KIF6: variants seen among roughly 807,000 people sequenced by gnomAD.
The protein encoded by KIF6 is kinesin family member 6.
A neutral mutation model predicts 112.7 loss-of-function variants in KIF6; 106 were observed. The ratio of observed to expected loss-of-function variants is 0.94; its 90% confidence interval spans 0.80 to 1.11. The LOEUF (loss-of-function observed/expected upper bound fraction) is 1.11, where lower values mean the gene tolerates loss of function less well. Among genes scored for constraint, KIF6 ranks in the 50% least tolerant of loss-of-function variants. The pLI, the probability that KIF6 is intolerant of heterozygous loss-of-function variation, is 0.00. For missense variants in KIF6, 929 were observed against 964.0 expected, an observed-to-expected ratio of 0.96 and a Z score of 0.48; for synonymous variants, 339 against 339.9, an observed-to-expected ratio of 1.00 and a Z score of 0.03.
chr6:39,673,023 T>C (rs911561991), intron 3 of KIF6, among the ~76,000 whole-genome samples: 4 of 152,288 alleles, frequency 2.6e-5, no homozygotes, highest in Admixed American at 2.6e-4. Flanking sequence ...GTAGCCAGAA[T>C]CATAGCCAAA....
Position 39,540,193 on chromosome 6 carries a change from T to C in KIF6, c.1455A>G (p.Glu485=). The change falls in exon 13 of 23, where the codon GAA becomes GAG. Residue 485 remains glutamate, a synonymous_variant. Coordinates refer to ENST00000287152, the MANE Select transcript of KIF6 (RefSeq NM_145027.6). ...INILVNMLKK[E]KKKAQEALHL... ...GGAGAGCCTCCTGAGCTTTCTTCTT[T>C]TCTTTTTTTAACATGTTGACCAGGA... is the stretch of plus-strand genomic sequence containing the variant. The C allele has an allele frequency of 6.2e-7, 1 of 1,611,424 alleles. No homozygotes were observed. Among genetic ancestry groups the C allele is most frequent in the South Asian group, 1.1e-5 (1 of 90,370 alleles).
chr6:39,516,141 G>A (rs1777072564), intron 13 of KIF6, among the ~76,000 whole-genome samples: 1 of 151,948 alleles, frequency 6.6e-6, no homozygotes, highest in African/African-American at 2.4e-5. Flanking sequence ...AAGCATTTTG[G>A]GTAAGAGATA....
At chr6:39,494,413 C>A (rs944748187) in intron 13 of KIF6, among the ~76,000 whole-genome samples, 2 of 151,972 alleles carry the variant, frequency 1.3e-5, no homozygotes, top group Admixed American at 1.3e-4. Context: ...ACACTCAATG[C>A]CAAGAAGGAA....
At position 39,391,951 on chromosome 6, in the gene KIF6, A is replaced by G. The variant is rs138134235; in HGVS notation, c.1811-6279T>C. 2.6e-3 allele frequency among the ~76,000 whole-genome samples: 399 copies of G among 152,236 alleles called. 1 individual carries two copies. Among genetic ancestry groups the G allele is most frequent in the African/African-American group, 9.2e-3 (383 of 41,558 alleles). ...TGTATGTATATATGAATGCATGTATATATATATATGTGTGTGTGTGTGTAT... is the reference window on the plus strand; with the variant it reads ...TGTATGTATATATGAATGCATGTATGTATATATATGTGTGTGTGTGTGTAT... On this transcript the variant is annotated intron_variant, in intron 15 of 22. Transcript: ENST00000287152.
intron 3 of KIF6, among the ~76,000 whole-genome samples, chr6:39,642,936 G>T (rs759474369): frequency 6.6e-6 from 1 of 152,060 alleles, no homozygotes; most frequent in Non-Finnish European, 1.5e-5. Context: ...AACATGTAGG[G>T]ACCCTTGTAT....
chr6:39,705,731 C>T (rs1195003024), intron 3 of KIF6, among the ~76,000 whole-genome samples: 2 of 152,198 alleles, frequency 1.3e-5, no homozygotes, highest in Admixed American at 6.5e-5. Context: ...GGCTTCTTTG[C>T]CCCTTGGGTG....
chr6:39,563,577 T>C (rs1222951242), intron 10 of KIF6, among the ~76,000 whole-genome samples: 1 of 152,238 alleles, frequency 6.6e-6, no homozygotes, highest in Non-Finnish European at 1.5e-5. Context: ...AAATGTACCA[T>C]AACCCAATTC....
chr6:39,640,838 C>A (rs1423728473), intron 3 of KIF6, among the ~76,000 whole-genome samples: 1 of 152,124 alleles, frequency 6.6e-6, no homozygotes, highest in Admixed American at 6.6e-5. Context: ...ATTAAACTAA[C>A]AATAATATCT....
At chr6:39,601,818 T>G (rs1366839876) in intron 6 of KIF6, among the ~76,000 whole-genome samples, 1 of 152,102 alleles carries the variant, frequency 6.6e-6, no homozygotes, top group Non-Finnish European at 1.5e-5. Context: ...TTGGTCTTTT[T>G]GTCAATTTTG....
chr6:39,345,963 T>C (rs1394977353), intron 20 of KIF6, among the ~76,000 whole-genome samples, 174 bp from the exon 21 acceptor site: 1 of 151,302 alleles, frequency 6.6e-6, no homozygotes, highest in Admixed American at 6.6e-5. Flanking sequence ...GGGAGGTGAA[T>C]AGATTTAGAT....
intron 13 of KIF6, among the ~76,000 whole-genome samples, chr6:39,442,064 C>A (rs1487438961): frequency 6.6e-6 from 1 of 152,194 alleles, no homozygotes; most frequent in Non-Finnish European, 1.5e-5. Flanking sequence ...GTTCCTGACT[C>A]CTGATGCCAG....
In KIF6 at chr6:39,342,048, G is replaced by A. The variant is rs1440815936; in HGVS notation, c.2428+1661C>T. 6.6e-6 allele frequency among the ~76,000 whole-genome samples: 1 copy of A among 152,192 alleles called. No homozygotes were observed. Among genetic ancestry groups the A allele is most frequent in the Non-Finnish European group, 1.5e-5 (1 of 68,042 alleles). On this transcript the variant is annotated intron_variant, in intron 22 of 22. Transcript: ENST00000287152. This position sits in a 1 kb window ranked among gnomAD's most constrained non-coding sequence, Gnocchi z 4.7. ...ATCTCTTTCCCCTGTGCATAAGGCT[G>A]GTGTGACTTGGCCCTTGTGCTCTTG...
intron 13 of KIF6, among the ~76,000 whole-genome samples, chr6:39,532,463 T>C (rs938276157): frequency 3.9e-5 from 6 of 152,148 alleles, no homozygotes; most frequent in African/African-American, 1.4e-4. Context: ...GGCCCCCTTT[T>C]CCCAACCAGC....
intron 10 of KIF6, among the ~76,000 whole-genome samples, chr6:39,571,655 C>T (rs1453531505): frequency 6.6e-6 from 1 of 152,224 alleles, no homozygotes; most frequent in Non-Finnish European, 1.5e-5. Flanking sequence ...GACCACAATT[C>T]ATTTCCTAGA....
chr6:39,710,307 G>T (rs1789468987), intron 3 of KIF6, among the ~76,000 whole-genome samples: 1 of 152,070 alleles, frequency 6.6e-6, no homozygotes, highest in Non-Finnish European at 1.5e-5. Context: ...ACATGGGTAG[G>T]CCACAGTGAA....
chr6:39,372,248 G>A (rs1766062904), intron 16 of KIF6, among the ~76,000 whole-genome samples: 1 of 152,150 alleles, frequency 6.6e-6, no homozygotes, highest in African/African-American at 2.4e-5. Context: ...TCCCTCCTAT[G>A]AAGATGGGAA....
intron 1 of KIF6, among the ~76,000 whole-genome samples, chr6:39,723,396 A>C (rs1269323389): frequency 1.3e-5 from 2 of 152,204 alleles, no homozygotes; most frequent in Non-Finnish European, 2.9e-5. Flanking sequence ...GAGAGGCAAA[A>C]AAGGTTTCCG....
At chr6:39,477,635 G>A (rs1011811657) in intron 13 of KIF6, among the ~76,000 whole-genome samples, 2 of 152,270 alleles carry the variant, frequency 1.3e-5, no homozygotes, top group Admixed American at 6.5e-5. Flanking sequence ...GGCCAAGGCT[G>A]GTGGATCACA....
intron 13 of KIF6, among the ~76,000 whole-genome samples, chr6:39,445,699 G>A (rs1052034042): frequency 6.6e-6 from 1 of 152,212 alleles, no homozygotes; most frequent in Admixed American, 6.5e-5. Context: ...GGATTTCTCA[G>A]GGAATGTTCC....
Sources: gnomAD v4.1 joint callset for allele counts (sites outside exome capture counted in the v4.1 genomes callset) on GRCh38, gnomAD v4.1.1 for gene constraint, Gnocchi (gnomAD v3.1) non-coding constraint, MANE v1.5 for transcripts, NCBI Gene and HGNC (gene_info 2026-07-23, HGNC 2026-07-21) for gene names.